SLC30A7: variants seen among roughly 807,000 people sequenced by gnomAD.
The protein encoded by SLC30A7 is solute carrier family 30 member 7.
In SLC30A7, 35 loss-of-function variants were observed where a neutral mutation model predicts 46.0. That is an observed-to-expected ratio of 0.76 (90% confidence interval 0.58 to 1.01). The LOEUF (loss-of-function observed/expected upper bound fraction) is 1.01, where lower values mean the gene tolerates loss of function less well. Among genes scored for constraint, SLC30A7 ranks in the 50% least tolerant of loss-of-function variants. The pLI, the probability that SLC30A7 is intolerant of heterozygous loss-of-function variation, is 0.00. For synonymous variants in SLC30A7, 147 were observed against 157.8 expected, an observed-to-expected ratio of 0.93 and a Z score of 0.51; for missense variants, 464 against 451.1, an observed-to-expected ratio of 1.03 and a Z score of -0.26.
chr1:100,902,395 T>C (rs1422096164), intron 2 of SLC30A7, among the ~76,000 whole-genome samples: 1 of 152,218 alleles, frequency 6.6e-6, no homozygotes, highest in Non-Finnish European at 1.5e-5. Flanking sequence ...AAAGGAATTT[T>C]TATTTTTATT....
chr1:100,972,841 T>C (rs1335655754), intron 10 of SLC30A7, among the ~76,000 whole-genome samples: 1 of 152,082 alleles, frequency 6.6e-6, no homozygotes, highest in Non-Finnish European at 1.5e-5. Flanking sequence ...TGTCAAATAT[T>C]GGATGAATAT....
chr1:100,922,399 A>G (rs1042503057), intron 8 of SLC30A7, among the ~76,000 whole-genome samples: 2 of 152,250 alleles, frequency 1.3e-5, no homozygotes, highest in African/African-American at 4.8e-5. Context: ...TCTTGAATGC[A>G]ACATTACATC....
rs1656531059 is a variant in SLC30A7 at position 100,976,633 on chromosome 1, G to A, written c.*1776G>A. On this transcript the variant is annotated 3_prime_UTR_variant, in exon 11 of 11. Transcript: ENST00000357650. The stretch of plus-strand genomic sequence containing the variant: ...TAAATGTGGGAGAAAAAACCCTGCA[G>A]GATGGAAACAATTATTAAGAATGTA... The A allele has an allele frequency of 1.3e-5, 2 of 152,358 alleles. No individual in the cohort carries two copies. The allele number at this position is 152,358 out of a possible 1,614,324, so 9.4% of individuals were successfully genotyped here. A position where few individuals can be genotyped will look rare whatever the true frequency, so the allele number is the denominator to read the frequency against.
chr1:100,915,134 CTTCT>C (rs1204048776), intron 6 of SLC30A7, among the ~76,000 whole-genome samples: 1 of 151,252 alleles, frequency 6.6e-6, no homozygotes, highest in Non-Finnish European at 1.5e-5. Flanking sequence ...CTTTTCTTTT[CTTCT>C]TTCTTTCCCT....
rs367646285 is a variant in SLC30A7, at chr1:100,957,273, C to T, written c.843-4555C>T. ...TATATAGTAGTAGATCCTTAATAAT[C>T]GCTTAATATTGATTGCTTAATAAAA... On this transcript the variant is annotated intron_variant, in intron 8 of 10. Transcript: ENST00000357650. Among the ~76,000 whole-genome samples the T allele has an allele frequency of 2.6e-4, 39 of 152,256 alleles. 1 individual carries two copies. The East Asian group carries it at 5.8e-3, about 23-fold the overall frequency.
chr1:100,974,960 C>T lies in SLC30A7; in HGVS notation c.*103C>T. 1.1e-6 allele frequency: 1 copy of T among 946,652 alleles called. No individual in the cohort carries two copies. Among genetic ancestry groups the T allele is most frequent in the African/African-American group, 1.6e-5 (1 of 60,902 alleles). The allele number at this position is 946,652 out of a possible 1,614,324, so 58.6% of individuals were successfully genotyped here. On this transcript the variant is annotated 3_prime_UTR_variant, in exon 11 of 11. Coordinates refer to ENST00000357650, the MANE Select transcript of SLC30A7 (RefSeq NM_133496.5). ...TTTTAAAAGAGAGAAATTATCACTACAACTCCCGAGCACTAAGTAGACGGG... is the reference window on the plus strand; with the variant it reads ...TTTTAAAAGAGAGAAATTATCACTATAACTCCCGAGCACTAAGTAGACGGG...
chr1:100,905,062 T>C (rs957535836), intron 2 of SLC30A7, among the ~76,000 whole-genome samples: 4 of 152,158 alleles, frequency 2.6e-5, no homozygotes, highest in African/African-American at 7.2e-5. Flanking sequence ...CTTTAGTATG[T>C]ATAATATTAA....
chr1:100,982,315 T>C (rs1656988387), downstream of SLC30A7, among the ~76,000 whole-genome samples: 1 of 152,248 alleles, frequency 6.6e-6, no homozygotes, highest in Non-Finnish European at 1.5e-5. Context: ...CTACATTTGC[T>C]GCTTCTACCT....
intron 9 of SLC30A7, among the ~76,000 whole-genome samples, chr1:100,963,413 G>A (rs922268820): frequency 6.6e-6 from 1 of 152,120 alleles, no homozygotes; most frequent in African/African-American, 2.4e-5. Flanking sequence ...ATCATTGACT[G>A]GCATTCTGGA....
intron 10 of SLC30A7, 21 bp downstream of exon 10, chr1:100,965,939 T>G (rs1356502186): frequency 6.3e-7 from 1 of 1,588,568 alleles, no homozygotes; most frequent in East Asian, 2.2e-5. Flanking sequence ...TTTACTAACT[T>G]CTTTTAAGGG....
intron 9 of SLC30A7, among the ~76,000 whole-genome samples, chr1:100,962,576 G>A (rs1391406064): frequency 6.6e-6 from 1 of 152,200 alleles, no homozygotes; most frequent in Non-Finnish European, 1.5e-5. Context: ...ATTGTGGCTG[G>A]AGCATATTAA....
rs181167723 is a variant in SLC30A7 at position 100,933,225 on chromosome 1, C to T, written c.842+11384C>T. Among the ~76,000 whole-genome samples, 824 of 152,160 alleles carry T rather than the reference C, an allele frequency of 5.4e-3. 2 individuals are homozygous for T. The highest frequency in any genetic ancestry group is 0.019 in the African/African-American group (797 of 41,534). ...TCCTGACCTCGTGATCTGCCTGCCT[C>T]AGCCTCCCAAAGTGCTGGGATTACA... On this transcript the variant is annotated intron_variant, in intron 8 of 10. Coordinates refer to ENST00000357650, the MANE Select transcript of SLC30A7 (RefSeq NM_133496.5).
At chr1:100,953,534 T>C (rs1409113381) in intron 8 of SLC30A7, among the ~76,000 whole-genome samples, 1 of 152,200 alleles carries the variant, frequency 6.6e-6, no homozygotes, top group Non-Finnish European at 1.5e-5. Context: ...TCTGTGCTTT[T>C]TAAAATGCAG....
chr1:100,974,776 A>G (rs1488570537), intron 10 of SLC30A7, 34 bp from the exon 11 acceptor site: 18 of 1,550,604 alleles, frequency 1.2e-5, no homozygotes, highest in Non-Finnish European at 1.6e-5. Context: ...TTAGCTTGTT[A>G]GATTTTCTAA....
intron 8 of SLC30A7, among the ~76,000 whole-genome samples, chr1:100,948,238 G>A (rs186682493): frequency 6.6e-6 from 1 of 151,874 alleles, no homozygotes; most frequent in African/African-American, 2.4e-5. Context: ...TTGTAAGGCA[G>A]GCCCACAGAA....
Sources: allele counts gnomAD v4.1 joint callset (sites outside exome capture counted in the v4.1 genomes callset), GRCh38; gene constraint gnomAD v4.1.1; transcripts MANE v1.5; gene names NCBI Gene and HGNC (gene_info 2026-07-23, HGNC 2026-07-21).